Variants in SMARCAL1 observed in about 807,000 individuals in gnomAD.
The protein encoded by SMARCAL1 is ATP-driven annealing helicase.
SMARCAL1 carries 58 observed loss-of-function variants against 94.5 expected under a neutral mutation model. The ratio of observed to expected loss-of-function variants is 0.61; its 90% CI spans 0.50 to 0.76. The LOEUF (loss-of-function observed/expected upper bound fraction) is 0.76. SMARCAL1 is among the 30% of genes least tolerant of loss of function. The pLI is 0.00. For missense variants in SMARCAL1, 1,051 were observed against 1,177.9 expected, an observed-to-expected ratio of 0.89 and a Z score of 1.58; for synonymous variants, 422 against 455.1, an observed-to-expected ratio of 0.93 and a Z score of 0.93.
Position 216,415,261 on chromosome 2 carries a change from G to A in SMARCAL1, c.557G>A (p.Arg186Lys). ...TPAHSSGQPP[R>K]DAKLEAKTAK... ...GCTCATTCCTCTGGACAGCCTCCCA[G>A]GGATGCTAAGTTAGAGGCCAAGACA... is the stretch of plus-strand genomic sequence containing the variant. The change falls in exon 3 of 18, where the codon AGG becomes AAG. Residue 186 changes from arginine to lysine, a missense_variant. Coordinates refer to ENST00000357276, the MANE Select transcript of SMARCAL1 (RefSeq NM_014140.4). 1 of 1,614,228 alleles carries A rather than the reference G, an allele frequency of 6.2e-7. No individual in the cohort carries two copies. Among genetic ancestry groups the A allele is most frequent in the Admixed American group, 1.7e-5 (1 of 60,034 alleles).
At chr2:216,428,291 C>T (rs1287979405) in intron 6 of SMARCAL1, among the ~76,000 whole-genome samples, 1 of 152,140 alleles carries the variant, frequency 6.6e-6, no homozygotes, top group African/African-American at 2.4e-5. Context: ...TATTCTTTTT[C>T]TGTTTCTCTA....
chr2:216,463,728 C>T (rs1022463763), intron 12 of SMARCAL1, among the ~76,000 whole-genome samples: 12 of 152,106 alleles, frequency 7.9e-5, no homozygotes, highest in African/African-American at 2.4e-4. Context: ...ACCAAGAACA[C>T]CTGAATAATG....
chr2:216,449,253 G>C (rs1047916813), intron 11 of SMARCAL1, among the ~76,000 whole-genome samples: 22 of 152,190 alleles, frequency 1.4e-4, no homozygotes, highest in African/African-American at 4.8e-4. Flanking sequence ...TGAATTTGGG[G>C]ATTACTTTTC....
At chr2:216,432,594 TG>T in intron 7 of SMARCAL1, 123 bp from the exon 8 acceptor site, 1 of 1,103,526 alleles carries the variant, frequency 9.1e-7, no homozygotes, top group Non-Finnish European at 1.4e-6. Context: ...GCAAGTCTGG[TG>T]GTGGGCTGGG....
chr2:216,461,664 C>CA (rs1310095450), intron 12 of SMARCAL1, among the ~76,000 whole-genome samples: 4 of 151,930 alleles, frequency 2.6e-5, no homozygotes, highest in African/African-American at 7.3e-5. Flanking sequence ...CCTGTCTCTA[C>CA]AAAAAATCCA....
At chr2:216,466,807 T>G (rs968791052) in intron 13 of SMARCAL1, among the ~76,000 whole-genome samples, 1 of 152,208 alleles carries the variant, frequency 6.6e-6, no homozygotes, top group Non-Finnish European at 1.5e-5. Flanking sequence ...CTCAAAATAA[T>G]TAAAGTAAAT....
At chr2:216,464,693 CT>C in intron 13 of SMARCAL1, 26 bp downstream of exon 13, 1 of 1,426,812 alleles carries the variant, frequency 7.0e-7, no homozygotes, top group Non-Finnish European at 9.9e-7. Context: ...GTGTCGACCT[CT>C]CTCTCTCTCA....
chr2:216,462,831 A>AT (rs1266288011), intron 12 of SMARCAL1, among the ~76,000 whole-genome samples: 5 of 51,780 alleles, frequency 9.7e-5, no homozygotes, highest in African/African-American at 9.1e-4. Context: ...ACAAAAAATA[A>AT]AAAAAAAAAA....
At chr2:216,435,590 G>C in intron 9 of SMARCAL1, 94 bp downstream of exon 9, 3 of 1,105,190 alleles carry the variant, frequency 2.7e-6, no homozygotes, top group Non-Finnish European at 4.1e-6. Context: ...ATCTCCTTGA[G>C]CCCCATTTAG....
At chr2:216,464,272 G>A (rs1694779182) in intron 12 of SMARCAL1, among the ~76,000 whole-genome samples, 2 of 152,194 alleles carry the variant, frequency 1.3e-5, no homozygotes, top group South Asian at 2.1e-4. Flanking sequence ...CATTTCAGTG[G>A]TTCACATGGG....
chr2:216,476,408 C>T (rs746529065), intron 15 of SMARCAL1, among the ~76,000 whole-genome samples: 10 of 151,970 alleles, frequency 6.6e-5, no homozygotes, highest in African/African-American at 9.7e-5. Flanking sequence ...CTTGATTTCC[C>T]GAGCTCAGGT....
At position 216,435,381 on chromosome 2, in the gene SMARCAL1, A is replaced by T. The variant is rs772559717; in HGVS notation, c.1529A>T (p.Asn510Ile). ...CCATCTCTGAGCCCAGATTGCATCA[A>T]CGTCGTGGTGACTGGGAAGGACCGC... The part of the protein sequence containing the change: ...WLPSLSPDCI[N>I]VVVTGKDRLT... Residue 510 changes from asparagine to isoleucine, a missense_variant, in exon 9 of 18, where the codon AAC becomes ATC. By Grantham distance (149) the Asn-to-Ile change is moderately radical. Transcript: ENST00000357276. The T allele has an allele frequency of 2.5e-6, 4 of 1,614,176 alleles. No homozygotes were observed. The highest frequency in any genetic ancestry group is 3.4e-6 in the Non-Finnish European group (4 of 1,180,022).
chr2:216,476,409 G>A (rs887967488), intron 15 of SMARCAL1, among the ~76,000 whole-genome samples: 5 of 151,730 alleles, frequency 3.3e-5, no homozygotes, highest in African/African-American at 9.7e-5. Context: ...TTGATTTCCC[G>A]AGCTCAGGTG....
Position 216,478,289 on chromosome 2 carries a change from A to G in SMARCAL1, c.2615A>G (p.Tyr872Cys). The G allele has an allele frequency of 1.2e-6, 2 of 1,612,936 alleles. No homozygotes were observed. Among genetic ancestry groups the G allele is most frequent in the Non-Finnish European group, 1.7e-6 (2 of 1,178,928 alleles). ...NFSEMTESTD[Y>C]LYKDPKQQKI... ...TCAGAAATGACAGAATCCACTGATTACCTCTACAAGGTAATGCCAGCACAT... is the reference window on the plus strand; with the variant it reads ...TCAGAAATGACAGAATCCACTGATTGCCTCTACAAGGTAATGCCAGCACAT... The change falls in exon 17 of 18, where the codon TAC becomes TGC. Residue 872 changes from tyrosine (Y) to cysteine (C), a missense_variant. Physicochemically the swap from Tyr to Cys is radical, Grantham distance 194. Transcript: ENST00000357276.
At chr2:216,459,634 G>A (rs2106066361) in intron 12 of SMARCAL1, among the ~76,000 whole-genome samples, 3 of 152,270 alleles carry the variant, frequency 2.0e-5, no homozygotes, top group African/African-American at 7.2e-5. Flanking sequence ...CTAGCCATAT[G>A]TAGAAAGCTG....
chr2:216,477,075 C>G (rs969766485), intron 15 of SMARCAL1, 34 bp from the exon 16 acceptor site: 45 of 1,532,572 alleles, frequency 2.9e-5, no homozygotes, highest in Non-Finnish European at 3.9e-5. Flanking sequence ...TGCTTCAGGC[C>G]TTTACCTGCC....
chr2:216,442,642 T>G (rs1360787349), intron 10 of SMARCAL1, among the ~76,000 whole-genome samples: 2 of 152,222 alleles, frequency 1.3e-5, no homozygotes, highest in Non-Finnish European at 2.9e-5. Flanking sequence ...TGTTTTACAC[T>G]TGCCTTTATC....
At chr2:216,413,451 A>G (rs1693510776) in intron 1 of SMARCAL1, among the ~76,000 whole-genome samples, 2 of 152,358 alleles carry the variant, frequency 1.3e-5, no homozygotes, top group South Asian at 2.1e-4. Context: ...AATGTTTACA[A>G]TGATCCTACT....
chr2:216,416,637 G>T (rs1693609725), intron 4 of SMARCAL1, among the ~76,000 whole-genome samples: 1 of 152,164 alleles, frequency 6.6e-6, no homozygotes, highest in Non-Finnish European at 1.5e-5. Flanking sequence ...AGTAACACAG[G>T]GTCACATAGC....
Sources: allele counts gnomAD v4.1 joint callset (sites outside exome capture counted in the v4.1 genomes callset), GRCh38; gene constraint gnomAD v4.1.1; transcripts MANE v1.5; gene names NCBI Gene and HGNC (gene_info 2026-07-23, HGNC 2026-07-21).